Variants in KRT82 observed in about 807,000 individuals in gnomAD.
KRT82 encodes the protein keratin 82, also known as keratin, type II cuticular Hb2.
Under a neutral mutation model 48.0 loss-of-function variants are expected in KRT82, and 44 were observed. The observed-to-expected ratio is 0.92, with a 90% CI of 0.72 to 1.18. KRT82 has a LOEUF of 1.18. KRT82 is among the 50% of genes most tolerant of loss of function. KRT82 has a pLI of 0.00. For synonymous variants in KRT82, 297 were observed against 278.3 expected (o/e 1.07, Z -0.67); for missense variants, 701 against 671.4 (o/e 1.04, Z -0.49).
intron 4 of KRT82, 69 bp from the exon 5 acceptor site, chr12:52,400,218 C>G: frequency 6.8e-7 from 1 of 1,472,476 alleles, no homozygotes; most frequent in Non-Finnish European, 9.3e-7. Context: ...AGGGGAGAAC[C>G]CGTTCTGACC....
chr12:52,403,812 T>A lies in KRT82; in HGVS notation c.509A>T (p.Glu170Val), dbSNP rs762935164. 6.2e-7 allele frequency: 1 copy of A among 1,613,746 alleles called. No individual in the cohort carries two copies. The change falls in exon 2 of 9, where the codon GAG becomes GTG. Residue 170 changes from glutamate (E) to valine (V), a missense_variant. Transcript: ENST00000257974. ...CCGCCGAAGGGCGCTGATATAGCCC[T>A]CGAAGATGGGCTCGATGTTGGTCTG... ...CCQTNIEPIF[E>V]GYISALRRQL...
chr12:52,396,770 T>G, intron 6 of KRT82, 113 bp downstream of exon 6: 1 of 1,230,130 alleles, frequency 8.1e-7, no homozygotes, highest in Middle Eastern at 2.8e-4. Context: ...CAGCACAAGT[T>G]TATTCCCTCT....
At chr12:52,396,290 G>A in intron 6 of KRT82, 58 bp from the exon 7 acceptor site, 11 of 1,496,112 alleles carry the variant, frequency 7.4e-6, no homozygotes, top group African/African-American at 2.7e-5. Flanking sequence ...AGCCAGACTC[G>A]CAGAAGAGCA....
rs144651614 is a variant in KRT82, at chr12:52,395,768, C to T, written c.1312G>A (p.Val438Met). Residue 438 changes from valine to methionine, a missense_variant, in exon 8 of 9, where the codon GTG becomes ATG. Coordinates refer to ENST00000257974, the MANE Select transcript of KRT82 (RefSeq NM_033033.4). ...TGGCTCATCTACTTACAGATATTCA[C>T]GGGCCCGATGCCTTCGCACAGCCTG... ...EHRLCEGIGP[V>M]NISVSSSKGA... is the part of the protein sequence containing the mutation. 175 of 1,553,814 alleles carry T rather than the reference C, an allele frequency of 1.1e-4. No homozygotes were observed. The highest frequency in any genetic ancestry group is 7.4e-4 in the East Asian group (33 of 44,434).
intron 1 of KRT82, among the ~76,000 whole-genome samples, 184 bp downstream of exon 1, chr12:52,405,683 G>A (rs1322829041): frequency 1.3e-5 from 2 of 152,264 alleles, no homozygotes; most frequent in African/African-American, 4.8e-5. Flanking sequence ...AAGCAGAAAT[G>A]TTTAGTGCAG....
chr12:52,400,111 C>G lies in KRT82; in HGVS notation c.816G>C (p.Ser272=), dbSNP rs775621715. ...GGCTGTTGTCCATCTTCACAATGAC[C>G]GAGGTCTCAGAGATCTGAGACTGGA... ...CLLQSQISET[S]VIVKMDNSRE... The change falls in exon 5 of 9, where the codon TCG becomes TCC. Residue 272 remains serine (S), a synonymous_variant. Transcript: ENST00000257974. The G allele has an allele frequency of 1.2e-6, 2 of 1,614,004 alleles. No individual in the cohort carries two copies. The highest frequency in any genetic ancestry group is 1.7e-6 in the Non-Finnish European group (2 of 1,179,882).
rs766865692 is a variant in KRT82 at position 52,400,562 on chromosome 12, G to A, written c.742C>T (p.Gln248Ter). The A allele has an allele frequency of 6.2e-7, 1 of 1,614,080 alleles. No individual in the cohort carries two copies. The highest frequency in any genetic ancestry group is 1.7e-5 in the Admixed American group (1 of 60,028). ...AGGCTTTTCAGGAAGTCGATCTCCT[G>A]CACGAGTGCCTCTGCGTTGGTCTCC... The part of the protein sequence containing the change: ...DLETNAEALV[Q>*]EIDFLKSLYE... Residue 248 changes from glutamine to a stop codon, truncating the protein, a stop_gained, in exon 4 of 9, where the codon CAG (glutamine) becomes TAG (stop). Coordinates refer to ENST00000257974, the MANE Select transcript of KRT82 (RefSeq NM_033033.4). LOFTEE classifies it high-confidence loss of function.
rs142616498 is a variant in KRT82, at chr12:52,396,948, C to T, written c.1003G>A (p.Glu335Lys). The change falls in exon 6 of 9, where the codon GAG (glutamate) becomes AAG (lysine). Residue 335 changes from glutamate (E) to lysine (K), a missense_variant. Coordinates refer to ENST00000257974, the MANE Select transcript of KRT82 (RefSeq NM_033033.4). ...ATCAGTTTATTCATTTCCAGGATCT[C>T]GTTCTTACGGTTGCGGAGGTTGTCA... ...HCDNLRNRKN[E>K]ILEMNKLIQR... 8.1e-6 allele frequency: 13 copies of T among 1,614,108 alleles called. No homozygotes were observed. In the East Asian group the frequency reaches 1.1e-4, roughly 14 times the overall value.
At chr12:52,395,931 G>A (rs1565780838) in intron 7 of KRT82, 81 bp downstream of exon 7, 3 of 1,580,322 alleles carry the variant, frequency 1.9e-6, no homozygotes, top group Non-Finnish European at 2.6e-6. Context: ...CGGGGTGAGA[G>A]ATACTAGCAG....
chr12:52,401,293 T>C lies in KRT82; in HGVS notation c.677A>G (p.Lys226Arg), dbSNP rs1191833399. Residue 226 changes from lysine to arginine, a missense_variant, in exon 3 of 9, where the codon AAG becomes AGG. Coordinates refer to ENST00000257974, the MANE Select transcript of KRT82 (RefSeq NM_033033.4). The stretch of plus-strand genomic sequence containing the variant: ...CTCTCTGAGCTTCCTCCTTACCTTC[T>C]TCAAGGCAACAAACTCATTCTCAAC... ...PCVENEFVAL[K>R]KDVDTAFLMK... 1 of 1,613,916 alleles carries C rather than the reference T, an allele frequency of 6.2e-7. No individual in the cohort carries two copies. The highest frequency in any genetic ancestry group is 8.5e-7 in the Non-Finnish European group (1 of 1,179,944).
At chr12:52,400,718 A>C in intron 3 of KRT82, 96 bp from the exon 4 acceptor site, 1 of 841,018 alleles carries the variant, frequency 1.2e-6, no homozygotes, top group Non-Finnish European at 2.0e-6. Flanking sequence ...TTCCTCACGA[A>C]CACCCATGGG....
chr12:52,394,878 G>C lies in KRT82; in HGVS notation c.*97C>G. ...GGGAATGTGGAGTCAATAAAGGGAG[G>C]TGGGGTTTTGGAACATCCTTGTCTT... On this transcript the variant is annotated 3_prime_UTR_variant, in exon 9 of 9. Transcript: ENST00000257974. 1 of 1,034,252 alleles carries C rather than the reference G, an allele frequency of 9.7e-7. No individual in the cohort carries two copies. The highest frequency in any genetic ancestry group is 1.5e-6 in the Non-Finnish European group (1 of 670,448). The allele number at this position is 1,034,252 out of a possible 1,614,324, so 64.1% of individuals were successfully genotyped here.
At position 52,396,958 on chromosome 12, in the gene KRT82, G is replaced by A. The variant is rs770510775; in HGVS notation, c.993C>T (p.Asn331=). The A allele has an allele frequency of 1.2e-6, 2 of 1,614,020 alleles. No homozygotes were observed. Among genetic ancestry groups the A allele is most frequent in the South Asian group, 2.2e-5 (2 of 91,064 alleles). The change falls in exon 6 of 9, where the codon AAC becomes AAT. Residue 331 remains asparagine, a synonymous_variant. Transcript: ENST00000257974. Reference sequence around the variant, plus strand: ...TCATTTCCAGGATCTCGTTCTTACGGTTGCGGAGGTTGTCACAGTGGTTCC... The same window carrying A: ...TCATTTCCAGGATCTCGTTCTTACGATTGCGGAGGTTGTCACAGTGGTTCC... The part of the protein sequence containing the change: ...TAGNHCDNLR[N]RKNEILEMNK...
rs1565780848 is a variant in KRT82 at position 52,395,944 on chromosome 12, G to A, written c.1289+68C>T. The A allele has an allele frequency of 8.8e-6, 14 of 1,593,746 alleles. No individual in the cohort carries two copies. In the East Asian group the frequency reaches 1.3e-4, roughly 15 times the overall value. On this transcript the variant is annotated intron_variant, in intron 7 of 8. Transcript: ENST00000257974. ...GACGGGGTGAGAGATACTAGCAGCC[G>A]CCACCAGAGGGCTGGGTAATGGCCA...
chr12:52,395,210 A>T lies in KRT82; in HGVS notation c.1322-15T>A. 6.2e-7 allele frequency: 1 copy of T among 1,606,920 alleles called. No homozygotes were observed. On this transcript the variant is annotated splice_polypyrimidine_tract_variant and intron_variant, in intron 8 of 8. Coordinates refer to ENST00000257974, the MANE Select transcript of KRT82 (RefSeq NM_033033.4). ...GCTGCTCACTGCTGTGGGAACAGGA[A>T]GGGGTGCTCAGGGCCCCACACGGTG...
chr12:52,400,761 A>G (rs1314703113), intron 3 of KRT82, 139 bp from the exon 4 acceptor site: 1 of 633,548 alleles, frequency 1.6e-6, no homozygotes, highest in African/African-American at 1.8e-5. Context: ...AGGTGGGGAA[A>G]AAGGGGTCCC....
chr12:52,402,161 G>A (rs1234098355), intron 2 of KRT82: 2 of 152,262 alleles, frequency 1.3e-5, no homozygotes, highest in African/African-American at 4.8e-5. Context: ...CTGCCTCACA[G>A]GGCTGTTGTG....
At chr12:52,401,170 GA>G in intron 3 of KRT82, 118 bp downstream of exon 3, 4 of 819,246 alleles carry the variant, frequency 4.9e-6, no homozygotes, top group East Asian at 2.5e-5. Context: ...TCTGAGGGGC[GA>G]AAAACCCTTT....
At chr12:52,395,945 C>T in intron 7 of KRT82, 67 bp downstream of exon 7, 2 of 1,597,374 alleles carry the variant, frequency 1.3e-6, no homozygotes, top group Admixed American at 3.4e-5. Flanking sequence ...CTAGCAGCCG[C>T]CACCAGAGGG....
Sources: allele counts gnomAD v4.1 joint callset (sites outside exome capture counted in the v4.1 genomes callset), GRCh38; gene constraint gnomAD v4.1.1; transcripts MANE v1.5; gene names NCBI Gene and HGNC (gene_info 2026-07-23, HGNC 2026-07-21).